MACROD2: variants seen among roughly 807,000 people sequenced by gnomAD.
The protein encoded by MACROD2 is ADP-ribose glycohydrolase MACROD2.
MACROD2 carries 36 observed loss-of-function variants against 70.4 expected under a neutral mutation model. The ratio of observed to expected loss-of-function variants is 0.51; its 90% confidence interval spans 0.39 to 0.68. MACROD2 has a LOEUF of 0.68. Among genes scored for constraint, MACROD2 ranks in the 30% least tolerant of loss-of-function variants. The pLI is 0.00. For synonymous variants in MACROD2, 172 were observed against 178.8 expected (o/e 0.96, Z 0.30); for missense variants, 496 against 538.4 (o/e 0.92, Z 0.78).
At chr20:15,566,252 A>G (rs2048308468) in intron 8 of MACROD2, among the ~76,000 whole-genome samples, 1 of 152,090 alleles carries the variant, frequency 6.6e-6, no homozygotes. Flanking sequence ...GGGAGGCTGA[A>G]GCCAGTGGAT....
chr20:14,528,417 G>A (rs1188906164), intron 4 of MACROD2, among the ~76,000 whole-genome samples: 1 of 150,570 alleles, frequency 6.6e-6, no homozygotes, highest in Non-Finnish European at 1.5e-5. Flanking sequence ...GCCTCCCAAA[G>A]TGCTGGGATT....
At chr20:15,718,294 TTG>T (rs1227349056) in intron 8 of MACROD2, among the ~76,000 whole-genome samples, 2 of 152,130 alleles carry the variant, frequency 1.3e-5, no homozygotes, top group Non-Finnish European at 2.9e-5. Flanking sequence ...TGGCCTTTTA[TTG>T]TGTTTTCTAA....
chr20:15,460,561 C>T (rs1255893265), intron 7 of MACROD2, among the ~76,000 whole-genome samples: 1 of 152,160 alleles, frequency 6.6e-6, no homozygotes, highest in African/African-American at 2.4e-5. Context: ...TTGCAATGAT[C>T]AAAACTTCTT....
At chr20:14,834,909 T>C (rs914457443) in intron 5 of MACROD2, among the ~76,000 whole-genome samples, 1 of 152,116 alleles carries the variant, frequency 6.6e-6, no homozygotes, top group Non-Finnish European at 1.5e-5. Context: ...AGATTGACTA[T>C]GTATAATATG....
rs567797952 is a variant in MACROD2 at position 14,042,570 on chromosome 20, C to T, written c.163+40166C>T. On this transcript the variant is annotated intron_variant, in intron 2 of 17. Transcript: ENST00000684519. ...CTAGAGTACAGTGGTGCGATCTCAG[C>T]TCACTGCAACCTGCAACCTCCGCCT... Among the ~76,000 whole-genome samples, 61 of 152,290 alleles carry T rather than the reference C, an allele frequency of 4.0e-4. No individual in the cohort carries two copies. The South Asian group carries it at 7.9e-3, about 20-fold the overall frequency.
rs377527631 is a variant in MACROD2, at chr20:15,571,844, A to G, written c.645+71997A>G. 6.4e-4 allele frequency among the ~76,000 whole-genome samples: 97 copies of G among 152,282 alleles called. 1 individual carries two copies. The highest frequency in any genetic ancestry group is 3.7e-3 in the East Asian group (19 of 5,194). On this transcript the variant is annotated intron_variant, in intron 8 of 17. Coordinates refer to ENST00000684519, the MANE Select transcript of MACROD2 (RefSeq NM_001351661.2). ...ATGCTTTACTTTTCTCTTGAAGACT[A>G]AAAATAAACATGTCATTAAGTTTTC... is the stretch of plus-strand genomic sequence containing the variant.
intron 3 of MACROD2, among the ~76,000 whole-genome samples, chr20:14,390,748 G>A (rs906172092): frequency 6.6e-6 from 1 of 151,940 alleles, no homozygotes; most frequent in African/African-American, 2.4e-5. Flanking sequence ...ACTCAAGAAT[G>A]GATTAAAGAA....
At chr20:15,997,538 T>C (rs1443462420) in intron 15 of MACROD2, among the ~76,000 whole-genome samples, 11 of 152,184 alleles carry the variant, frequency 7.2e-5, no homozygotes. Flanking sequence ...CTGATTTTTC[T>C]GTTGATTTCG....
intron 8 of MACROD2, among the ~76,000 whole-genome samples, chr20:15,730,305 A>G (rs541121534): frequency 6.6e-6 from 1 of 152,252 alleles, no homozygotes; most frequent in Non-Finnish European, 1.5e-5. Flanking sequence ...TGGTCTATGT[A>G]CTTAAATGTG....
At chr20:15,053,400 G>T (rs1375295587) in intron 5 of MACROD2, among the ~76,000 whole-genome samples, 1 of 152,172 alleles carries the variant, frequency 6.6e-6, no homozygotes, top group African/African-American at 2.4e-5. Context: ...TTAAGTTGCA[G>T]CCAGTGCTCA....
rs1004472151 is a variant in MACROD2 at position 14,325,802 on chromosome 20, T to C, written c.272-167677T>C. On this transcript the variant is annotated intron_variant, in intron 3 of 17. Coordinates refer to ENST00000684519, the MANE Select transcript of MACROD2 (RefSeq NM_001351661.2). ...TCTGCATAGTCATCCTTTCTTCTCC[T>C]CCCTTTGCTATATGCACAGTTCCTT... 3.7e-6 allele frequency: 6 copies of C among 1,613,790 alleles called. No homozygotes were observed. The African/African-American group carries it at 8.0e-5, about 22-fold the overall frequency.
intron 3 of MACROD2, among the ~76,000 whole-genome samples, chr20:14,434,962 C>G (rs2084039706): frequency 1.3e-5 from 2 of 152,136 alleles, no homozygotes; most frequent in Non-Finnish European, 2.9e-5. Context: ...GGCAACTACC[C>G]ACGTCAGTTT....
At chr20:15,181,615 G>A (rs1006633774) in intron 5 of MACROD2, among the ~76,000 whole-genome samples, 13 of 151,920 alleles carry the variant, frequency 8.6e-5, no homozygotes, top group Admixed American at 7.9e-4. Flanking sequence ...TTCTAAGACC[G>A]GCCCGTTAGA....
intron 3 of MACROD2, among the ~76,000 whole-genome samples, chr20:14,401,755 A>G (rs975187290): frequency 6.6e-6 from 1 of 151,932 alleles, no homozygotes; most frequent in Non-Finnish European, 1.5e-5. Context: ...TTTTTCCCCA[A>G]TACAAATTTG....
chr20:14,281,933 CA>C (rs571115190), intron 3 of MACROD2, among the ~76,000 whole-genome samples: 106 of 96,544 alleles, frequency 1.1e-3, no homozygotes, highest in Middle Eastern at 5.8e-3. Flanking sequence ...GACTCCCTCT[CA>C]AAAAAAAAAA....
In MACROD2 at chr20:14,426,497, A is replaced by G. The variant is rs140630827; in HGVS notation, c.272-66982A>G. 2.0e-4 allele frequency among the ~76,000 whole-genome samples: 31 copies of G among 152,120 alleles called. No individual in the cohort carries two copies. In the East Asian group the frequency reaches 5.2e-3, roughly 26 times the overall value. On this transcript the variant is annotated intron_variant, in intron 3 of 17. Transcript: ENST00000684519. ...TAGTTTGCTTAATTTTTAATCTTTCATATTAGTGACTTTCCTCAGATGTCT... is the reference window on the plus strand; with the variant it reads ...TAGTTTGCTTAATTTTTAATCTTTCGTATTAGTGACTTTCCTCAGATGTCT...
intron 4 of MACROD2, among the ~76,000 whole-genome samples, chr20:14,637,068 A>G (rs897469374): frequency 5.9e-5 from 9 of 152,240 alleles, no homozygotes; most frequent in African/African-American, 1.9e-4. Flanking sequence ...ATTTGTTAAT[A>G]GAATACACCT....
chr20:14,918,003 C>T (rs1452905126), intron 5 of MACROD2, among the ~76,000 whole-genome samples: 1 of 152,084 alleles, frequency 6.6e-6, no homozygotes, highest in African/African-American at 2.4e-5. Flanking sequence ...GACAGGCTCT[C>T]GCTCTGTTGC....
chr20:15,098,186 T>C (rs571614959), intron 5 of MACROD2, among the ~76,000 whole-genome samples: 1 of 152,242 alleles, frequency 6.6e-6, no homozygotes, highest in African/African-American at 2.4e-5. Flanking sequence ...TATTAAATGC[T>C]TGATTTGATG....
Sources: allele counts gnomAD v4.1 joint callset (sites outside exome capture counted in the v4.1 genomes callset), GRCh38; gene constraint gnomAD v4.1.1; transcripts MANE v1.5; gene names NCBI Gene and HGNC (gene_info 2026-07-23, HGNC 2026-07-21).